Variants in GADL1 observed in about 807,000 individuals in gnomAD.
GADL1 encodes the protein GAD like acidic amino acid decarboxylase 1.
Under a neutral mutation model 69.5 loss-of-function variants are expected in GADL1, and 71 were observed. The observed-to-expected ratio is 1.02, with a 90% CI of 0.84 to 1.25. The LOEUF (loss-of-function observed/expected upper bound fraction) is 1.25, where lower values mean the gene tolerates loss of function less well. Among genes scored for constraint, GADL1 ranks in the 50% most tolerant of loss-of-function variants. GADL1 has a pLI of 0.00. For synonymous variants in GADL1, 254 were observed against 214.4 expected (o/e 1.18, Z -1.62); for missense variants, 737 against 631.8 (o/e 1.17, Z -1.79).
In GADL1 at chr3:30,822,526, G is replaced by T. The variant is rs1191732530; in HGVS notation, c.1050+11327C>A. Among the ~76,000 whole-genome samples, 4 of 151,974 alleles carry T rather than the reference G, an allele frequency of 2.6e-5. No individual in the cohort carries two copies. In the East Asian group the frequency reaches 7.7e-4, roughly 29 times the overall value. The stretch of plus-strand genomic sequence containing the variant: ...TAGAAGTGGATAAAGAAAGCAAGAT[G>T]CTGGTTATATAAGCAAAATATATTA... On this transcript the variant is annotated intron_variant, in intron 11 of 14. Transcript: ENST00000282538.
chr3:30,894,316 A>G (rs1698824134), intron 1 of GADL1, among the ~76,000 whole-genome samples: 1 of 152,176 alleles, frequency 6.6e-6, no homozygotes, highest in South Asian at 2.1e-4. Flanking sequence ...TAAAATCTCA[A>G]TACGCATTTA....
At chr3:30,801,454 T>C (rs1275276452) in intron 11 of GADL1, among the ~76,000 whole-genome samples, 1 of 152,038 alleles carries the variant, frequency 6.6e-6, no homozygotes, top group Non-Finnish European at 1.5e-5. Context: ...AAAACTGACA[T>C]ATTTACATAT....
chr3:30,869,785 T>C (rs527372942), intron 1 of GADL1, among the ~76,000 whole-genome samples: 2 of 151,950 alleles, frequency 1.3e-5, no homozygotes, highest in East Asian at 3.9e-4. Context: ...ATTGCTACTA[T>C]GTTCAAGACA....
intron 11 of GADL1, among the ~76,000 whole-genome samples, chr3:30,805,008 G>C (rs1478464015): frequency 6.6e-6 from 1 of 152,188 alleles, no homozygotes; most frequent in Non-Finnish European, 1.5e-5. Flanking sequence ...ACAGTAAAGA[G>C]AAGCCAATGA....
In GADL1 at chr3:30,784,649, AAC is replaced by A. The variant is rs1327059089; in HGVS notation, c.1302+1704_1302+1705del. ...GTCATATTTCACTTTGGCTACTAAA[AAC>A]AGTTTCCAAGTTTGTCTTGCTTATT... On this transcript the variant is annotated intron_variant, in intron 13 of 14. Coordinates refer to ENST00000282538, the MANE Select transcript of GADL1 (RefSeq NM_207359.3). Among the ~76,000 whole-genome samples, 10 of 152,326 alleles carry A rather than the reference AAC, an allele frequency of 6.6e-5. No individual in the cohort carries two copies. The East Asian group carries it at 7.7e-4, about 12-fold the overall frequency.
Position 30,857,126 on chromosome 3 carries a change from G to T in GADL1, c.226C>A (p.Pro76Thr), listed in dbSNP as rs1327670170. ...AGAAGCTGTTTCAGTTGTTCAGGAG[G>T]CCTCCATTCACACACCTGGAGATTC... ...DVNEKVCEWRPPEQLKQLLDL... is the reference protein window; with the variant it reads ...DVNEKVCEWRTPEQLKQLLDL... The change falls in exon 3 of 15, where the codon CCT becomes ACT. Residue 76 changes from proline (P) to threonine (T), a missense_variant. Pro to Thr is a conservative substitution (Grantham distance 38, BLOSUM62 -1). Coordinates refer to ENST00000282538, the MANE Select transcript of GADL1 (RefSeq NM_207359.3). 3 of 1,549,848 alleles carry T rather than the reference G, an allele frequency of 1.9e-6. No individual in the cohort carries two copies. The highest frequency in any genetic ancestry group is 2.6e-6 in the Non-Finnish European group (3 of 1,145,710).
intron 1 of GADL1, among the ~76,000 whole-genome samples, chr3:30,876,755 C>A (rs1698581609): frequency 6.6e-6 from 1 of 151,920 alleles, no homozygotes; most frequent in Admixed American, 6.6e-5. Context: ...ATCCTTCAAC[C>A]AATAAGTGAT....
At chr3:30,804,170 G>T (rs1198153431) in intron 11 of GADL1, among the ~76,000 whole-genome samples, 1 of 152,094 alleles carries the variant, frequency 6.6e-6, no homozygotes, top group Non-Finnish European at 1.5e-5. Flanking sequence ...TAATCTTCAG[G>T]CACAGTTGAA....
At chr3:30,839,247 G>A (rs1697924273) in intron 8 of GADL1, 134 bp from the exon 9 acceptor site, 3 of 536,686 alleles carry the variant, frequency 5.6e-6, no homozygotes, top group South Asian at 8.4e-5. Context: ...AATTCAATGG[G>A]TGTTTTTAAA....
chr3:30,802,431 T>A (rs1252218503), intron 11 of GADL1, among the ~76,000 whole-genome samples: 1 of 151,846 alleles, frequency 6.6e-6, no homozygotes, highest in East Asian at 1.9e-4. Context: ...GCTTCTCATT[T>A]GGTGAATTTT....
At chr3:30,817,291 T>G (rs552333525) in intron 11 of GADL1, among the ~76,000 whole-genome samples, 8 of 152,328 alleles carry the variant, frequency 5.3e-5, no homozygotes, top group African/African-American at 1.9e-4. Context: ...GAGTTCATAC[T>G]AATTTTATTG....
At chr3:30,774,821 G>C (rs987154531) in intron 14 of GADL1, among the ~76,000 whole-genome samples, 1 of 151,356 alleles carries the variant, frequency 6.6e-6, no homozygotes, top group Non-Finnish European at 1.5e-5. Flanking sequence ...GTTGAGAACT[G>C]TTGCTATATG....
chr3:30,765,482 T>C (rs1161137485), intron 14 of GADL1, among the ~76,000 whole-genome samples: 4 of 152,340 alleles, frequency 2.6e-5, no homozygotes, highest in Non-Finnish European at 5.9e-5. Flanking sequence ...TCTATGCATC[T>C]ACTATGTGAT....
chr3:30,874,219 A>G (rs1698545070), intron 1 of GADL1, among the ~76,000 whole-genome samples: 1 of 151,918 alleles, frequency 6.6e-6, no homozygotes, highest in African/African-American at 2.4e-5. Flanking sequence ...ATTGGAGCAA[A>G]TGTCCTAAAA....
intron 1 of GADL1, among the ~76,000 whole-genome samples, chr3:30,881,013 T>C (rs1395706815): frequency 6.6e-6 from 1 of 151,920 alleles, no homozygotes; most frequent in Non-Finnish European, 1.5e-5. Flanking sequence ...AAAGAAAGCA[T>C]AGGCATTGTC....
intron 14 of GADL1, among the ~76,000 whole-genome samples, chr3:30,744,989 A>T (rs902588177): frequency 6.6e-6 from 1 of 152,232 alleles, no homozygotes; most frequent in Non-Finnish European, 1.5e-5. Context: ...CTATGTTTAT[A>T]TGGTTTTAAA....
In GADL1 at chr3:30,773,892, T is replaced by G. The variant is rs145381448; in HGVS notation, c.1392+4287A>C. Among the ~76,000 whole-genome samples the G allele has an allele frequency of 1.0e-3, 158 of 152,162 alleles. 3 individuals carry two copies. In the East Asian group the frequency reaches 0.029, roughly 28 times the overall value. On this transcript the variant is annotated intron_variant, in intron 14 of 14. Coordinates refer to ENST00000282538, the MANE Select transcript of GADL1 (RefSeq NM_207359.3). ...TTTACCCATGAATAGCTTACAGGAA[T>G]CTCCTGACGCTCACCAACAGTAGAC... is the stretch of plus-strand genomic sequence containing the variant.
At position 30,814,152 on chromosome 3, in the gene GADL1, A is replaced by G. The variant is rs191743881; in HGVS notation, c.1051-13064T>C. Among the ~76,000 whole-genome samples, 61 of 152,336 alleles carry G rather than the reference A, an allele frequency of 4.0e-4. No individual in the cohort carries two copies. The East Asian group carries it at 0.011, about 28-fold the overall frequency. On this transcript the variant is annotated intron_variant, in intron 11 of 14. Transcript: ENST00000282538. ...AAAACAGAAGGTGTCTTCATTATAC[A>G]GATAAAAGCATCAAGGTTCAGAAAG...
At chr3:30,820,615 G>C (rs1000769666) in intron 11 of GADL1, among the ~76,000 whole-genome samples, 6 of 152,106 alleles carry the variant, frequency 3.9e-5, no homozygotes, top group Non-Finnish European at 7.4e-5. Flanking sequence ...AAACATGCAG[G>C]ATCCTCTATT....
Sources: allele counts gnomAD v4.1 joint callset (sites outside exome capture counted in the v4.1 genomes callset), GRCh38; gene constraint gnomAD v4.1.1; transcripts MANE v1.5; gene names NCBI Gene and HGNC (gene_info 2026-07-23, HGNC 2026-07-21).